Variants in LYST observed in about 807,000 individuals in gnomAD.
LYST encodes the protein lysosomal trafficking regulator, also known as lysosomal-trafficking regulator.
In LYST, 192 loss-of-function variants were observed where a neutral mutation model predicts 413.6. The observed-to-expected ratio is 0.46, with a 90% CI of 0.41 to 0.52. LYST has a LOEUF of 0.52. Ranked by LOEUF, LYST falls within the 20% of genes least tolerant of loss-of-function variation. LYST has a pLI of 0.00. For synonymous variants in LYST, 1,525 were observed against 1,567.3 expected (o/e 0.97, Z 0.64); for missense variants, 3,815 against 4,499.9 (o/e 0.85, Z 4.35).
intron 28 of LYST, among the ~76,000 whole-genome samples, chr1:235,750,651 T>C (rs1409748896): frequency 1.3e-5 from 2 of 152,212 alleles, no homozygotes; most frequent in African/African-American, 2.4e-5. Context: ...GCAGATTTTG[T>C]AGAAAAAATA....
At chr1:235,685,118 G>A (rs1390308515) in intron 48 of LYST, among the ~76,000 whole-genome samples, 1 of 152,158 alleles carries the variant, frequency 6.6e-6, no homozygotes, top group African/African-American at 2.4e-5. Context: ...TCCTCTGCCT[G>A]AAATGTTCTT....
chr1:235,773,082 C>T (rs1047963839), intron 19 of LYST, among the ~76,000 whole-genome samples: 4 of 152,012 alleles, frequency 2.6e-5, no homozygotes, highest in East Asian at 3.9e-4. Context: ...CTTGGGAAGC[C>T]GAGGCAGGCA....
In LYST at chr1:235,787,219, T is replaced by C. The variant is rs1670520646; in HGVS notation, c.4843A>G (p.Ile1615Val). 1 of 1,613,646 alleles carries C rather than the reference T, an allele frequency of 6.2e-7. No individual in the cohort carries two copies. The highest frequency in any genetic ancestry group is 1.1e-5 in the South Asian group (1 of 91,076). The change falls in exon 14 of 53, where the codon ATA becomes GTA. Residue 1615 changes from isoleucine (I) to valine (V), a missense_variant. Physicochemically the swap from Ile to Val is conservative, Grantham distance 29. Around this residue, in one of 4 missense-constraint regions of LYST, gnomAD observed 530 missense variants for 696.5 expected, o/e 0.76. Transcript: ENST00000389793. ...GKRRIHGKIS[I>V]WVSGQRKPDV... ...TCCTACCTCTGTCCAGAGACCCATA[T>C]GGAGATTTTCCCATGAATCCTCCTT...
intron 47 of LYST, 57 bp downstream of exon 47, chr1:235,693,293 C>CG (rs1197479680): frequency 1.5e-6 from 2 of 1,311,406 alleles, no homozygotes; most frequent in East Asian, 5.0e-5. Flanking sequence ...CCAGCTTGGG[C>CG]GGCAGAGTGA....
At chr1:235,866,516 C>T (rs956857433) in intron 1 of LYST, among the ~76,000 whole-genome samples, 3 of 152,240 alleles carry the variant, frequency 2.0e-5, no homozygotes, top group African/African-American at 7.2e-5. Flanking sequence ...CGACCTCGCC[C>T]CCCGCGCGCT....
At chr1:235,844,514 T>C (rs941407478) in intron 1 of LYST, among the ~76,000 whole-genome samples, 2 of 152,156 alleles carry the variant, frequency 1.3e-5, no homozygotes, top group Non-Finnish European at 2.9e-5. Flanking sequence ...TAACTAAAAC[T>C]GAAATAAGCA....
chr1:235,806,308 C>T lies in LYST; in HGVS notation c.2828G>A (p.Cys943Tyr), dbSNP rs757766276. The T allele has an allele frequency of 3.6e-5, 58 of 1,613,896 alleles. No individual in the cohort carries two copies. Among genetic ancestry groups the T allele is most frequent in the Non-Finnish European group, 4.8e-5 (57 of 1,179,984 alleles). Residue 943 changes from cysteine to tyrosine, a missense_variant, in exon 6 of 53, where the codon TGT becomes TAT. Cys to Tyr is a radical substitution (Grantham distance 194, BLOSUM62 -2). This residue lies in a region of LYST where 1,648 missense variants were observed against 1,810.3 expected (regional missense o/e 0.91). Coordinates refer to ENST00000389793, the MANE Select transcript of LYST (RefSeq NM_000081.4). ...ASEPLSHMLP[C>Y]ISLESLVLPS... is the part of the protein sequence containing the mutation. ...CAAGACAAGGCTCTCGAGAGATATA[C>T]ATGGCAGCATATGACTTAAAGGCTC...
At chr1:235,832,043 T>C (rs1676049657) in intron 2 of LYST, among the ~76,000 whole-genome samples, 1 of 152,184 alleles carries the variant, frequency 6.6e-6, no homozygotes, top group Non-Finnish European at 1.5e-5. Context: ...TACTGCAGTA[T>C]CGTTTCTGGG....
intron 13 of LYST, 104 bp from the exon 14 acceptor site, chr1:235,787,477 T>C (rs1670544398): frequency 2.0e-6 from 2 of 994,366 alleles, no homozygotes; most frequent in Non-Finnish European, 3.1e-6. Context: ...AGATTAAAAA[T>C]CAGTTCTATT....
chr1:235,692,934 T>C (rs1308250443), intron 47 of LYST, among the ~76,000 whole-genome samples: 1 of 151,754 alleles, frequency 6.6e-6, no homozygotes, highest in African/African-American at 2.4e-5. Context: ...GGGAGGAGGA[T>C]CACTTGAGTC....
At chr1:235,857,572 T>C (rs57874661) in intron 1 of LYST, among the ~76,000 whole-genome samples, 9,342 of 151,728 alleles carry the variant, frequency 0.062, 955 homozygotes, top group African/African-American at 0.21. Context: ...CTCACCAACA[T>C]GAAGGAGCTG....
chr1:235,709,597 C>G lies in LYST; in HGVS notation c.9926-289G>C, dbSNP rs986575435. On this transcript the variant is annotated intron_variant, in intron 43 of 52. Transcript: ENST00000389793. ...AAGAAAAGGAGAAAACCATTGCCTA[C>G]TAATTCCAATATTCTGACTATTCAC... Among the ~76,000 whole-genome samples the G allele has an allele frequency of 4.0e-5, 6 of 150,132 alleles. 2 individuals are homozygous for G. Among genetic ancestry groups the G allele is most frequent in the African/African-American group, 1.5e-4 (6 of 39,482 alleles).
At chr1:235,777,454 A>C (rs1641876597) in intron 16 of LYST, 146 bp from the exon 17 acceptor site, 2 of 688,310 alleles carry the variant, frequency 2.9e-6, no homozygotes, top group Non-Finnish European at 2.5e-6. Context: ...TAAACAGATA[A>C]ACATTAGAAG....
Position 235,804,785 on chromosome 1 carries a change from A to G in LYST, c.3394-120T>C, listed in dbSNP as rs535945489. The G allele has an allele frequency of 4.1e-4, 268 of 652,540 alleles. 2 individuals carry two copies. The highest frequency in any genetic ancestry group is 2.1e-3 in the Middle Eastern group (5 of 2,436). The allele number at this position is 652,540 out of a possible 1,614,324, so 40.4% of individuals were successfully genotyped here. A position where few individuals can be genotyped will look rare whatever the true frequency, so the allele number is the denominator to read the frequency against. The stretch of plus-strand genomic sequence containing the variant: ...GCTAATCCATTTATTTGCAGTTGAT[A>G]TGAAAGCAAAATGACTATATAAATA... On this transcript the variant is annotated intron_variant, in intron 6 of 52. Transcript: ENST00000389793.
At chr1:235,847,071 G>A (rs917486978) in intron 1 of LYST, among the ~76,000 whole-genome samples, 2 of 152,178 alleles carry the variant, frequency 1.3e-5, no homozygotes, top group African/African-American at 4.8e-5. Flanking sequence ...TAGGCACATT[G>A]TCATGAGGTT....
chr1:235,733,983 T>G, intron 32 of LYST, 77 bp from the exon 33 acceptor site: 2 of 728,762 alleles, frequency 2.7e-6, no homozygotes, highest in East Asian at 2.9e-5. Flanking sequence ...CCCAACAAAC[T>G]AATTTTAAAA....
rs150500390 is a variant in LYST at position 235,813,004 on chromosome 1, A to G, written c.250T>C (p.Trp84Arg). Residue 84 changes from tryptophan to arginine, a missense_variant, in exon 4 of 53, where the codon TGG (tryptophan) becomes CGG (arginine). Around this residue, in one of 4 missense-constraint regions of LYST, gnomAD observed 1,648 missense variants for 1,810.3 expected, o/e 0.91. Transcript: ENST00000389793. ...TLLLSLLPLV[W>R]KIPVQEEKAT... ...TTTTCTTCTTGGACAGGTATCTTCC[A>G]TACCAGTGGAAGGAGAGACAGAAGA... 1.9e-6 allele frequency: 3 copies of G among 1,612,256 alleles called. No homozygotes were observed. Among genetic ancestry groups the G allele is most frequent in the African/African-American group, 1.3e-5 (1 of 74,884 alleles).
In LYST at chr1:235,677,545, G is replaced by A; in HGVS notation, c.10875C>T (p.Cys3625=). ...CACTTATCAGTATACTGTATGGTTT[G>A]CAAACAAATAAGCTGGTTATCTCTT... The part of the protein sequence containing the change: ...HTEEITSLFV[C]KPYSILISVS... Residue 3625 remains cysteine (C), a synonymous_variant, in exon 49 of 53, where the codon TGC becomes TGT. Coordinates refer to ENST00000389793, the MANE Select transcript of LYST (RefSeq NM_000081.4). The A allele has an allele frequency of 6.2e-7, 1 of 1,612,972 alleles. No homozygotes were observed. The highest frequency in any genetic ancestry group is 8.5e-7 in the Non-Finnish European group (1 of 1,179,122).
intron 14 of LYST, among the ~76,000 whole-genome samples, chr1:235,785,765 G>A (rs554820833): frequency 6.6e-6 from 1 of 152,188 alleles, no homozygotes; most frequent in South Asian, 2.1e-4. Flanking sequence ...CTACATTACA[G>A]TTTCGAATTC....
Sources: allele counts gnomAD v4.1 joint callset (sites outside exome capture counted in the v4.1 genomes callset), GRCh38; gene constraint gnomAD v4.1.1; regional missense constraint gnomAD v4.1.1; transcripts MANE v1.5; gene names NCBI Gene and HGNC (gene_info 2026-07-23, HGNC 2026-07-21).